Variants in POLE observed in about 807,000 individuals in gnomAD.
POLE encodes DNA polymerase epsilon catalytic subunit A.
Under a neutral mutation model 279.2 loss-of-function variants are expected in POLE, and 188 were observed. The observed-to-expected ratio is 0.67, with a 90% CI of 0.60 to 0.76. The LOEUF (loss-of-function observed/expected upper bound fraction) is 0.76. POLE is among the 30% of genes least tolerant of loss of function. The pLI is 0.00. For missense variants in POLE, 2,703 were observed against 3,016.7 expected (o/e 0.90, Z 2.44); for synonymous variants, 1,214 against 1,172.5 (o/e 1.04, Z -0.72).
Position 132,634,787 on chromosome 12 carries a change from C to T in POLE, c.5812-409G>A, listed in dbSNP as rs1291394244. Among the ~76,000 whole-genome samples the T allele has an allele frequency of 5.3e-5, 8 of 152,186 alleles. No homozygotes were observed. The highest frequency in any genetic ancestry group is 9.7e-5 in the African/African-American group (4 of 41,440). ...TCCCGCGCAGCCTGTGTTCGTGCCA[C>T]GGCACCATCCACGTCTGTGTAGACA... On this transcript the variant is annotated intron_variant, in intron 42 of 48. Coordinates refer to ENST00000320574, the MANE Select transcript of POLE (RefSeq NM_006231.4). The surrounding 1 kb of genome is among the most constrained non-coding windows in gnomAD (Gnocchi z 4.0).
In POLE at chr12:132,661,229, C is replaced by T. The variant is rs1460311569; in HGVS notation, c.2865-65G>A. Reference sequence around the variant, plus strand: ...AGCGCTGGGGAGCCACCAGCTGTGCCTCATCCTCTCTGCCCGCCTCTTCCC... The same window carrying T: ...AGCGCTGGGGAGCCACCAGCTGTGCTTCATCCTCTCTGCCCGCCTCTTCCC... On this transcript the variant is annotated intron_variant, in intron 24 of 48. Coordinates refer to ENST00000320574, the MANE Select transcript of POLE (RefSeq NM_006231.4). This position sits in a 1 kb window ranked among gnomAD's most constrained non-coding sequence, Gnocchi z 4.1. The T allele has an allele frequency of 7.9e-6, 11 of 1,395,778 alleles. No homozygotes were observed. The highest frequency in any genetic ancestry group is 2.9e-5 in the African/African-American group (2 of 69,402). The allele number at this position is 1,395,778 out of a possible 1,614,324, so 86.5% of individuals were successfully genotyped here. A position where few individuals can be genotyped will look rare whatever the true frequency, so the allele number is the denominator to read the frequency against.
intron 46 of POLE, 124 bp downstream of exon 46, chr12:132,625,993 C>A: frequency 8.7e-7 from 1 of 1,142,886 alleles, no homozygotes; most frequent in South Asian, 1.4e-5. Flanking sequence ...TGTTGCCAAT[C>A]CATGTGAGTC....
rs760093029 is a variant in POLE at position 132,673,527 on chromosome 12, G to C, written c.1359+48C>G. 1.9e-6 allele frequency: 3 copies of C among 1,582,682 alleles called. No individual in the cohort carries two copies. In the African/African-American group the frequency reaches 4.0e-5, roughly 21 times the overall value. On this transcript the variant is annotated intron_variant, in intron 13 of 48. Transcript: ENST00000320574. ...GCCTGGGGCTGCTCCGTGGCCATCTGGATGCGTGCACACGGCAGCAGGGGC... is the reference window on the plus strand; with the variant it reads ...GCCTGGGGCTGCTCCGTGGCCATCTCGATGCGTGCACACGGCAGCAGGGGC...
At chr12:132,629,173 T>C (rs2041890140) in intron 45 of POLE, among the ~76,000 whole-genome samples, 1 of 152,262 alleles carries the variant, frequency 6.6e-6, no homozygotes, top group Non-Finnish European at 1.5e-5. Context: ...ATCAGAGCTC[T>C]TGGGTGACCA....
rs768028259 is a variant in POLE, at chr12:132,649,652, A to G, written c.3795+25T>C. The G allele has an allele frequency of 4.3e-6, 7 of 1,612,260 alleles. No individual in the cohort carries two copies. The South Asian group carries it at 6.6e-5, about 15-fold the overall frequency. On this transcript the variant is annotated intron_variant, in intron 30 of 48. Transcript: ENST00000320574. Reference sequence around the variant, plus strand: ...GGCTGTGCAGACCCCTCAGAGACAGACAGTATCACAGCTGTGTGCCTTACC... The same window carrying G: ...GGCTGTGCAGACCCCTCAGAGACAGGCAGTATCACAGCTGTGTGCCTTACC...
Position 132,674,596 on chromosome 12 carries a change from C to T in POLE, c.1226+802G>A, listed in dbSNP as rs5744765. Among the ~76,000 whole-genome samples, 567 of 152,294 alleles carry T rather than the reference C, an allele frequency of 3.7e-3. 2 individuals carry two copies. The highest frequency in any genetic ancestry group is 4.2e-3 in the Non-Finnish European group (288 of 68,022). On this transcript the variant is annotated intron_variant, in intron 12 of 48. Coordinates refer to ENST00000320574, the MANE Select transcript of POLE (RefSeq NM_006231.4). ...TCCCTAAGAACCAGCATCCCTGGGCCTCCCCCTGCCCCACATGACAGATCC... is the reference window on the plus strand; with the variant it reads ...TCCCTAAGAACCAGCATCCCTGGGCTTCCCCCTGCCCCACATGACAGATCC...
intron 41 of POLE, among the ~76,000 whole-genome samples, chr12:132,636,917 A>C (rs1041600586): frequency 1.8e-4 from 27 of 152,240 alleles, no homozygotes; most frequent in Non-Finnish European, 1.0e-4. Flanking sequence ...CTTCGCGCTA[A>C]GGAAGAATAG....
intron 29 of POLE, among the ~76,000 whole-genome samples, chr12:132,653,487 A>C (rs2042467360): frequency 6.6e-6 from 1 of 152,256 alleles, no homozygotes; most frequent in Admixed American, 6.5e-5. Context: ...CTTTCAAAAA[A>C]TATTTTGTTT....
rs374830982 is a variant in POLE, at chr12:132,681,343, CTTTTTTTT to C, written c.63-72_63-65del. ...GCCACCTGCTGCTGCTTCTTTTTTT[CTTTTTTTT>C]CTTTTTTTTTGAGACGGAGTCTTGC... On this transcript the variant is annotated intron_variant, in intron 1 of 48. Transcript: ENST00000320574. 453 of 1,522,998 alleles carry C rather than the reference CTTTTTTTT, an allele frequency of 3.0e-4. 2 individuals carry two copies. The African/African-American group carries it at 5.6e-3, about 19-fold the overall frequency. The allele number at this position is 1,522,998 out of a possible 1,614,324, so 94.3% of individuals were successfully genotyped here.
chr12:132,649,670 G>A lies in POLE; in HGVS notation c.3795+7C>T, dbSNP rs2042374826. ...GAGACAGACAGTATCACAGCTGTGTGCCTTACCTGGCTGGTTCCCAGGGCG... is the reference window on the plus strand; with the variant it reads ...GAGACAGACAGTATCACAGCTGTGTACCTTACCTGGCTGGTTCCCAGGGCG... On this transcript the variant is annotated splice_region_variant and intron_variant, in intron 30 of 48. Transcript: ENST00000320574. 2 of 1,613,552 alleles carry A rather than the reference G, an allele frequency of 1.2e-6. No homozygotes were observed. The highest frequency in any genetic ancestry group is 1.7e-6 in the Non-Finnish European group (2 of 1,179,876).
intron 32 of POLE, 126 bp from the exon 33 acceptor site, chr12:132,644,103 A>ACG (rs757283028): frequency 9.9e-6 from 8 of 810,188 alleles, no homozygotes; most frequent in African/African-American, 1.7e-5. Flanking sequence ...TACACCCACC[A>ACG]CGCCACAGTC....
intron 40 of POLE, chr12:132,638,368 T>A (rs934889547): frequency 3.0e-6 from 1 of 335,720 alleles, no homozygotes; most frequent in African/African-American, 2.1e-5. Context: ...CAAATTCTTA[T>A]CACAGAAAAA....
intron 1 of POLE, among the ~76,000 whole-genome samples, chr12:132,684,003 C>T (rs1166598308): frequency 3.5e-5 from 5 of 143,614 alleles, no homozygotes; most frequent in Non-Finnish European, 7.6e-5. Flanking sequence ...CGTCCCAGTA[C>T]TCCACACAGG....
intron 42 of POLE, among the ~76,000 whole-genome samples, chr12:132,635,165 C>G (rs936968376): frequency 4.6e-5 from 7 of 152,126 alleles, no homozygotes; most frequent in African/African-American, 1.7e-4. Context: ...GCTGACCACC[C>G]ACGTCTCAAC....
intron 27 of POLE, among the ~76,000 whole-genome samples, chr12:132,657,648 T>G (rs2042575464): frequency 6.6e-6 from 1 of 152,236 alleles, no homozygotes; most frequent in African/African-American, 2.4e-5. Flanking sequence ...CCAACACCCC[T>G]GGCCTTAGTC....
rs140828637 is a variant in POLE at position 132,665,941 on chromosome 12, G to A, written c.2320-491C>T. On this transcript the variant is annotated intron_variant, in intron 20 of 48. Transcript: ENST00000320574. ...AGCACGAGACAGTCACTACACTTTT[G>A]GTGCTTATTTGATGAGGGAGACAGA... Among the ~76,000 whole-genome samples the A allele has an allele frequency of 3.1e-3, 474 of 152,282 alleles. 6 individuals carry two copies. The highest frequency in any genetic ancestry group is 0.011 in the African/African-American group (457 of 41,540).
At chr12:132,648,072 C>T (rs2042327249) in intron 32 of POLE, among the ~76,000 whole-genome samples, 1 of 152,158 alleles carries the variant, frequency 6.6e-6, no homozygotes, top group African/African-American at 2.4e-5. Context: ...TGTGCTGAGC[C>T]GACACATTAA....
rs1202544604 is a variant in POLE, at chr12:132,675,497, G to C, written c.1127C>G (p.Ala376Gly). 1 of 1,613,986 alleles carries C rather than the reference G, an allele frequency of 6.2e-7. No homozygotes were observed. The highest frequency in any genetic ancestry group is 8.5e-7 in the Non-Finnish European group (1 of 1,180,046). Residue 376 changes from alanine (A) to glycine (G), a missense_variant, in exon 12 of 49, where the codon GCA becomes GGA. Ala to Gly is a moderately conservative substitution (Grantham distance 60). Coordinates refer to ENST00000320574, the MANE Select transcript of POLE (RefSeq NM_006231.4). The surrounding 1 kb of genome is among the most constrained non-coding windows in gnomAD (Gnocchi z 4.3). ...CTGCATGCTCAGACCGTGGACTGCT[G>C]CCCGGGCCTCCACAAATGGCCTGGG... ...FFDWPFVEARAAVHGLSMQQE... is the reference protein window; with the variant it reads ...FFDWPFVEARGAVHGLSMQQE...
intron 19 of POLE, 71 bp from the exon 20 acceptor site, chr12:132,667,719 G>T: frequency 6.6e-7 from 1 of 1,516,822 alleles, no homozygotes; most frequent in Non-Finnish European, 9.1e-7. Flanking sequence ...GGGCACAGGG[G>T]TGCTGAAGAA....
Sources: gnomAD v4.1 joint callset for allele counts (sites outside exome capture counted in the v4.1 genomes callset) on GRCh38, gnomAD v4.1.1 for gene constraint, Gnocchi (gnomAD v3.1) non-coding constraint, MANE v1.5 for transcripts, NCBI Gene and HGNC (gene_info 2026-07-23, HGNC 2026-07-21) for gene names.